CDK13: variants seen among roughly 807,000 people sequenced by gnomAD.
CDK13 encodes the protein cyclin-dependent kinase 13.
CDK13 carries 40 observed loss-of-function variants against 137.6 expected under a neutral mutation model. The observed-to-expected ratio is 0.29, with a 90% CI of 0.23 to 0.38. CDK13 has a LOEUF of 0.38. Ranked by LOEUF, CDK13 falls within the 10% of genes least tolerant of loss-of-function variation. The pLI is 1.00. For synonymous variants in CDK13, 869 were observed against 760.1 expected (o/e 1.14, Z -2.36); for missense variants, 1,704 against 1,951.8 (o/e 0.87, Z 2.39).
At chr7:40,015,959 C>T (rs189373964) in intron 5 of CDK13, among the ~76,000 whole-genome samples, 4 of 152,168 alleles carry the variant, frequency 2.6e-5, no homozygotes, top group African/African-American at 9.6e-5. Flanking sequence ...GAGCAGATGC[C>T]TTGGTACAGG....
chr7:39,976,323 T>TCACACACACACACACACACACACA (rs764395925), intron 1 of CDK13, among the ~76,000 whole-genome samples: 27 of 39,580 alleles, frequency 6.8e-4, no homozygotes, highest in Non-Finnish European at 1.2e-3. Context: ...TCTCTCTCTC[T>TCACACACACACACACACACACACA]CACACACACA....
At chr7:40,090,368 AT>A (rs199502869) in intron 12 of CDK13, among the ~76,000 whole-genome samples, 1 of 151,194 alleles carries the variant, frequency 6.6e-6, no homozygotes. Context: ...TTTAACTTTA[AT>A]TTTTTTTTGA....
intron 5 of CDK13, among the ~76,000 whole-genome samples, chr7:40,003,215 CTCTCTCTCTCTT>C (rs1193543561): frequency 1.4e-5 from 2 of 147,808 alleles, no homozygotes; most frequent in Non-Finnish European, 3.0e-5. Flanking sequence ...CACTCTCTCT[CTCTCTCTCTCTT>C]ACTCTGTTGA....
chr7:40,088,403 G>A (rs1192623472), intron 12 of CDK13, 72 bp downstream of exon 12: 2 of 1,152,662 alleles, frequency 1.7e-6, no homozygotes, highest in Non-Finnish European at 2.5e-6. Context: ...TTGCTCTAAT[G>A]TTAAAGCATC....
intron 5 of CDK13, among the ~76,000 whole-genome samples, chr7:40,013,873 G>C (rs1008928697): frequency 6.6e-6 from 1 of 151,874 alleles, no homozygotes; most frequent in Non-Finnish European, 1.5e-5. Context: ...ACGGGTGAGG[G>C]GTGTCTCTGT....
At position 40,096,756 on chromosome 7, in the gene CDK13, A is replaced by G. The variant is rs969527197; in HGVS notation, c.*1776A>G. The G allele has an allele frequency of 2.6e-5, 4 of 152,168 alleles. No homozygotes were observed. Among genetic ancestry groups the G allele is most frequent in the African/African-American group, 9.6e-5 (4 of 41,454 alleles). The allele number at this position is 152,168 out of a possible 1,614,324, so 9.4% of individuals were successfully genotyped here. A position where few individuals can be genotyped will look rare whatever the true frequency, so the allele number is the denominator to read the frequency against. ...TTTAAAGAGGATAATTTACCATTTT[A>G]CTACTATAAAATAAGTTGATATCAG... On this transcript the variant is annotated 3_prime_UTR_variant, in exon 14 of 14. Transcript: ENST00000181839.
At chr7:40,015,958 C>T (rs868377460) in intron 5 of CDK13, among the ~76,000 whole-genome samples, 23 of 152,126 alleles carry the variant, frequency 1.5e-4, no homozygotes, top group Middle Eastern at 3.4e-3. Flanking sequence ...AGAGCAGATG[C>T]CTTGGTACAG....
chr7:40,008,123 A>G (rs961208710), intron 5 of CDK13, among the ~76,000 whole-genome samples: 3 of 152,228 alleles, frequency 2.0e-5, no homozygotes, highest in Admixed American at 6.5e-5. Flanking sequence ...AGAAAGCAAC[A>G]TTGATTTGTT....
At chr7:39,979,208 TTTTTTTTC>T (rs1255882697) in intron 1 of CDK13, among the ~76,000 whole-genome samples, 1 of 121,306 alleles carries the variant, frequency 8.2e-6, no homozygotes, top group African/African-American at 4.2e-5. Flanking sequence ...TTTTTCTTTC[TTTTTTTTC>T]TTTTTTTTTT....
chr7:40,021,821 TAGC>T lies in CDK13; in HGVS notation c.2353+19792_2353+19794del, dbSNP rs879884932. On this transcript the variant is annotated intron_variant, in intron 5 of 13. Coordinates refer to ENST00000181839, the MANE Select transcript of CDK13 (RefSeq NM_003718.5). ...TGTCATGCACTAAATATGTGAAAAATAGCAACTAAAATTTTTCTTTTCAAGCAG... is the reference window on the plus strand; with the variant it reads ...TGTCATGCACTAAATATGTGAAAAATAACTAAAATTTTTCTTTTCAAGCAG... 8.8e-4 allele frequency among the ~76,000 whole-genome samples: 134 copies of T among 152,100 alleles called. 2 individuals carry two copies. Among genetic ancestry groups the T allele is most frequent in the Middle Eastern group, 3.4e-3 (1 of 294 alleles).
chr7:39,973,171 C>G (rs923194120), intron 1 of CDK13, among the ~76,000 whole-genome samples: 1 of 152,158 alleles, frequency 6.6e-6, no homozygotes, highest in Non-Finnish European at 1.5e-5. Context: ...GGGTCTCACT[C>G]TGTTGCCCAG....
intron 1 of CDK13, among the ~76,000 whole-genome samples, chr7:39,973,312 T>C (rs907445499): frequency 1.3e-5 from 2 of 152,078 alleles, no homozygotes; most frequent in Non-Finnish European, 2.9e-5. Context: ...AATTTTTTCG[T>C]ATTTTTGTAT....
intron 1 of CDK13, among the ~76,000 whole-genome samples, chr7:39,976,629 A>G (rs1205287091): frequency 1.3e-5 from 2 of 152,112 alleles, no homozygotes; most frequent in Non-Finnish European, 2.9e-5. Flanking sequence ...CCACCAAAAT[A>G]GTACTCCACT....
intron 1 of CDK13, among the ~76,000 whole-genome samples, chr7:39,955,320 G>A (rs772473139): frequency 1.3e-5 from 2 of 152,128 alleles, no homozygotes; most frequent in Admixed American, 6.5e-5. Flanking sequence ...GGTTTTAAGC[G>A]ATTTGTTCCA....
chr7:40,015,002 A>G (rs1379975747), intron 5 of CDK13, among the ~76,000 whole-genome samples: 2 of 152,220 alleles, frequency 1.3e-5, no homozygotes, highest in East Asian at 1.9e-4. Context: ...TGTATAAAAT[A>G]GATTGTAGTC....
intron 5 of CDK13, among the ~76,000 whole-genome samples, chr7:40,018,078 A>T (rs1026351520): frequency 6.6e-6 from 1 of 150,948 alleles, no homozygotes; most frequent in African/African-American, 2.4e-5. Flanking sequence ...TTTCCCCTTT[A>T]AAAAAAAAGA....
At chr7:39,960,015 C>A (rs1228351183) in intron 1 of CDK13, among the ~76,000 whole-genome samples, 1 of 151,168 alleles carries the variant, frequency 6.6e-6, no homozygotes, top group African/African-American at 2.4e-5. Flanking sequence ...TAGTGTCAAA[C>A]TTTAGTAGTA....
chr7:40,007,429 G>T (rs527314391), intron 5 of CDK13, among the ~76,000 whole-genome samples: 1 of 152,082 alleles, frequency 6.6e-6, no homozygotes, highest in South Asian at 2.1e-4. Flanking sequence ...TTTTTGCTTT[G>T]GTTTGTTTTT....
intron 1 of CDK13, among the ~76,000 whole-genome samples, chr7:39,978,413 G>A (rs561772285): frequency 4.9e-4 from 75 of 152,302 alleles, no homozygotes; most frequent in Non-Finnish European, 8.8e-4. Flanking sequence ...CAGAATGGAT[G>A]TATGTATAAG....
Sources: gnomAD v4.1 joint callset for allele counts (sites outside exome capture counted in the v4.1 genomes callset) on GRCh38, gnomAD v4.1.1 for gene constraint, MANE v1.5 for transcripts, NCBI Gene and HGNC (gene_info 2026-07-23, HGNC 2026-07-21) for gene names.